The following SIN3B variants were observed in gnomAD, a reference collection of about 807,000 sequenced individuals.
The protein encoded by SIN3B is paired amphipathic helix protein Sin3b.
SIN3B carries 19 observed loss-of-function variants against 120.2 expected under a neutral mutation model. That is an observed-to-expected ratio of 0.16 (90% CI 0.11 to 0.23). The LOEUF (loss-of-function observed/expected upper bound fraction) is 0.23. Among genes scored for constraint, SIN3B ranks in the 10% least tolerant of loss-of-function variants. The pLI is 1.00. For synonymous variants in SIN3B, 654 were observed against 653.2 expected (o/e 1.00, Z -0.02); for missense variants, 1,073 against 1,573.0 (o/e 0.68, Z 5.38).
chr19:16,829,425 C>A lies in SIN3B; in HGVS notation c.5C>A (p.Ala2Glu). 11 of 1,205,384 alleles carry A rather than the reference C, an allele frequency of 9.1e-6. No homozygotes were observed. Among genetic ancestry groups the A allele is most frequent in the Non-Finnish European group, 1.1e-5 (11 of 970,766 alleles). 74.7% of individuals were successfully genotyped at this position (1,205,384 alleles called of 1,614,324 possible). The change falls in exon 1 of 19, where the codon GCG (alanine) becomes GAG (glutamate). Residue 2 changes from alanine (A) to glutamate (E), a missense_variant. Physicochemically the swap from Ala to Glu is moderately radical, Grantham distance 107. Around this residue, in one of 7 missense-constraint regions of SIN3B, gnomAD observed 395 missense variants for 528.0 expected, o/e 0.75. Transcript: ENST00000248054. MAHAGGGSGGSG... is the reference protein window; with the variant it reads MEHAGGGSGGSG... ...GGCGCAGCTCCGACTTCGGACATGGCGCACGCTGGCGGTGGCAGCGGTGGC... is the reference window on the plus strand; with the variant it reads ...GGCGCAGCTCCGACTTCGGACATGGAGCACGCTGGCGGTGGCAGCGGTGGC...
intron 2 of SIN3B, among the ~76,000 whole-genome samples, chr19:16,830,733 C>G (rs373925070): frequency 6.6e-6 from 1 of 152,144 alleles, no homozygotes; most frequent in African/African-American, 2.4e-5. Context: ...ATTTTTCTTA[C>G]ACCTTTCCCA....
intron 8 of SIN3B, among the ~76,000 whole-genome samples, chr19:16,856,396 C>T (rs562897030): frequency 9.7e-4 from 147 of 152,148 alleles, no homozygotes; most frequent in African/African-American, 3.3e-3. Context: ...GTAAATGTAC[C>T]GACCTATGTG....
chr19:16,860,828 C>G (rs753490753), intron 8 of SIN3B, among the ~76,000 whole-genome samples: 70 of 151,964 alleles, frequency 4.6e-4, no homozygotes, highest in Non-Finnish European at 9.3e-4. Flanking sequence ...CTCCTGACCT[C>G]GTGATCCGCC....
At chr19:16,864,631 T>G (rs1971737622) in intron 10 of SIN3B, among the ~76,000 whole-genome samples, 1 of 151,928 alleles carries the variant, frequency 6.6e-6, no homozygotes, top group African/African-American at 2.4e-5. Flanking sequence ...CACACCTGGC[T>G]AATTTTTTTT....
In SIN3B at chr19:16,865,424, G is replaced by A. The variant is rs1599607950; in HGVS notation, c.1398G>A (p.Leu466=). 1 of 1,601,378 alleles carries A rather than the reference G, an allele frequency of 6.2e-7. No homozygotes were observed. Among genetic ancestry groups the A allele is most frequent in the South Asian group, 1.1e-5 (1 of 90,822 alleles). The change falls in exon 11 of 19, where the codon CTG becomes CTA. Residue 466 remains leucine (L), a synonymous_variant. Transcript: ENST00000248054. ...CCTTTCCATAGTTAGACGTTGTCCTGGAGACGAACCTGGCCACAATCCGTG... is the reference window on the plus strand; with the variant it reads ...CCTTTCCATAGTTAGACGTTGTCCTAGAGACGAACCTGGCCACAATCCGTG... ...EDERFELDVV[L]ETNLATIRVL...
intron 3 of SIN3B, among the ~76,000 whole-genome samples, chr19:16,840,866 A>G (rs1467453692): frequency 2.6e-5 from 4 of 152,196 alleles, no homozygotes; most frequent in Non-Finnish European, 1.5e-5. Context: ...TACATGATCC[A>G]TAAGGTGGTG....
At chr19:16,833,119 C>T (rs1442483430) in intron 3 of SIN3B, among the ~76,000 whole-genome samples, 1 of 152,114 alleles carries the variant, frequency 6.6e-6, no homozygotes, top group Non-Finnish European at 1.5e-5. Context: ...TGTAAGTGGA[C>T]CAGCTCTCCC....
intron 3 of SIN3B, among the ~76,000 whole-genome samples, chr19:16,836,258 G>C (rs1243716968): frequency 6.6e-6 from 1 of 152,186 alleles, no homozygotes; most frequent in Non-Finnish European, 1.5e-5. Flanking sequence ...AGTGTCCCCT[G>C]GGTGGCAGAG....
Position 16,879,296 on chromosome 19 carries a change from G to A in SIN3B, c.*569G>A, listed in dbSNP as rs2051660685. On this transcript the variant is annotated 3_prime_UTR_variant, in exon 19 of 19. Coordinates refer to ENST00000248054, the MANE Select transcript of SIN3B (RefSeq NM_001297595.2). The stretch of plus-strand genomic sequence containing the variant: ...CCCTCAGTCACTTTGGAAGTGAGAA[G>A]AACCCTTCAGCCAAACCTTTGGGAT... The A allele has an allele frequency of 6.5e-6, 1 of 153,312 alleles. No homozygotes were observed. Among genetic ancestry groups the A allele is most frequent in the Non-Finnish European group, 1.5e-5 (1 of 68,878 alleles). The allele number at this position is 153,312 out of a possible 1,614,324, so 9.5% of individuals were successfully genotyped here.
chr19:16,871,302 C>T lies in SIN3B; in HGVS notation c.2496C>T (p.Asp832=). 6.2e-7 allele frequency: 1 copy of T among 1,614,164 alleles called. No homozygotes were observed. The highest frequency in any genetic ancestry group is 1.1e-5 in the South Asian group (1 of 91,086). ...MVRSLLEGSI[D]PTQYEDTLRE... is the part of the protein sequence containing the mutation. ...GGAGCCTGCTGGAGGGCAGCATCGA[C>T]CCCACGCAGTACGAGGACACCCTAC... The change falls in exon 14 of 19, where the codon GAC becomes GAT. Residue 832 remains aspartate (D), a synonymous_variant. Transcript: ENST00000248054.
chr19:16,835,582 T>C (rs1971338272), intron 3 of SIN3B, among the ~76,000 whole-genome samples: 1 of 150,692 alleles, frequency 6.6e-6, no homozygotes, highest in Non-Finnish European at 1.5e-5. Context: ...TACAATGGCG[T>C]GATCTCAGCT....
chr19:16,873,650 C>T (rs2051542725), intron 14 of SIN3B, among the ~76,000 whole-genome samples: 1 of 152,146 alleles, frequency 6.6e-6, no homozygotes, highest in Non-Finnish European at 1.5e-5. Flanking sequence ...AAAAAATCCC[C>T]CCCTTCCATA....
chr19:16,868,741 C>T (rs1971813543), intron 12 of SIN3B, among the ~76,000 whole-genome samples: 1 of 152,184 alleles, frequency 6.6e-6, no homozygotes, highest in African/African-American at 2.4e-5. Flanking sequence ...GGTGACCATG[C>T]TCCTGTGGGC....
At position 16,878,764 on chromosome 19, in the gene SIN3B, G is replaced by A; in HGVS notation, c.*37G>A. 2.0e-6 allele frequency: 3 copies of A among 1,528,828 alleles called. No individual in the cohort carries two copies. Among genetic ancestry groups the A allele is most frequent in the Non-Finnish European group, 2.6e-6 (3 of 1,133,980 alleles). The allele number at this position is 1,528,828 out of a possible 1,614,324, so 94.7% of individuals were successfully genotyped here. On this transcript the variant is annotated 3_prime_UTR_variant, in exon 19 of 19. Transcript: ENST00000248054. ...GGGCACCGGGCAGGCGCCTCACAGA[G>A]CACAGACGTGCCCTCGGCCTTGGTC...
At chr19:16,870,134 C>G (rs2051491537) in intron 13 of SIN3B, 59 bp downstream of exon 13, 2 of 1,431,606 alleles carry the variant, frequency 1.4e-6, no homozygotes, top group East Asian at 2.5e-5. Flanking sequence ...GGGGTCACAG[C>G]TCATGATCTG....
chr19:16,854,145 C>T lies in SIN3B; in HGVS notation c.942C>T (p.Val314=), dbSNP rs1236097866. The T allele has an allele frequency of 6.2e-7, 1 of 1,610,550 alleles. No homozygotes were observed. Among genetic ancestry groups the T allele is most frequent in the Non-Finnish European group, 8.5e-7 (1 of 1,178,988 alleles). Residue 314 remains valine, a splice_region_variant and synonymous_variant, in exon 8 of 19, where the codon GTC becomes GTT. Coordinates refer to ENST00000248054, the MANE Select transcript of SIN3B (RefSeq NM_001297595.2). The part of the protein sequence containing the change: ...TLQEFSFFDK[V]RRVLKSQEVY... ...GTCCCTGACTGCTCTCTCTGCAGGT[C>T]CGCCGGGTGCTGAAGAGCCAGGAGG... is the stretch of plus-strand genomic sequence containing the variant.
At position 16,876,060 on chromosome 19, in the gene SIN3B, C is replaced by T. The variant is rs769382545; in HGVS notation, c.2598C>T (p.His866=). Residue 866 remains histidine (H), a synonymous_variant, in exon 15 of 19, where the codon CAC becomes CAT. Transcript: ENST00000248054. The surrounding 1 kb of genome is among the most constrained non-coding windows in gnomAD (Gnocchi z 7.1). ...KLVQNIARQL[H]HLVSDDVCLK... ...ACCTGCTTTCCTCCCGCCAGCTGCA[C>T]CACCTCGTGAGCGATGACGTCTGCC... is the stretch of plus-strand genomic sequence containing the variant. 5.8e-6 allele frequency: 9 copies of T among 1,555,492 alleles called. No homozygotes were observed. The East Asian group carries it at 1.9e-4, about 33-fold the overall frequency.
chr19:16,877,179 A>G (rs1286673886), intron 16 of SIN3B: 1 of 265,062 alleles, frequency 3.8e-6, no homozygotes, highest in Non-Finnish European at 7.3e-6. Flanking sequence ...ACGTGGCTTC[A>G]AACAACAGAA....
rs887388619 is a variant in SIN3B at position 16,846,848 on chromosome 19, G to A, written c.583-122G>A. 3.8e-5 allele frequency: 40 copies of A among 1,052,900 alleles called. No individual in the cohort carries two copies. The East Asian group carries it at 7.9e-4, about 21-fold the overall frequency. 65.2% of individuals were successfully genotyped at this position (1,052,900 alleles called of 1,614,324 possible). ...CACAAGTGTGCAGACAGGACCCTGCGGGCAGGTGCTCTTTCCTGAGAGTCA... is the reference window on the plus strand; with the variant it reads ...CACAAGTGTGCAGACAGGACCCTGCAGGCAGGTGCTCTTTCCTGAGAGTCA... On this transcript the variant is annotated intron_variant, in intron 4 of 18. Transcript: ENST00000248054.
Sources: gnomAD v4.1 joint callset for allele counts (sites outside exome capture counted in the v4.1 genomes callset) on GRCh38, gnomAD v4.1.1 for gene constraint, gnomAD v4.1.1 regional missense constraint, Gnocchi (gnomAD v3.1) non-coding constraint, MANE v1.5 for transcripts, NCBI Gene and HGNC (gene_info 2026-07-23, HGNC 2026-07-21) for gene names.